Variants in TSPAN14 observed in about 807,000 individuals in gnomAD.
The protein encoded by TSPAN14 is tetraspanin 14.
Under a neutral mutation model 36.6 loss-of-function variants are expected in TSPAN14, and 16 were observed. The ratio of observed to expected loss-of-function variants is 0.44; its 90% confidence interval spans 0.30 to 0.66. The LOEUF is 0.66. TSPAN14 is among the 30% of genes least tolerant of loss of function. The pLI, the probability that TSPAN14 is intolerant of heterozygous loss-of-function variation, is 0.12. For missense variants in TSPAN14, 231 were observed against 355.1 expected, an observed-to-expected ratio of 0.65 and a Z score of 2.81; for synonymous variants, 139 against 143.8, an observed-to-expected ratio of 0.97 and a Z score of 0.24.
intron 3 of TSPAN14, among the ~76,000 whole-genome samples, chr10:80,505,748 C>T (rs921669276): frequency 1.3e-5 from 2 of 152,210 alleles, no homozygotes; most frequent in Non-Finnish European, 2.9e-5. Flanking sequence ...ACAGCACCAC[C>T]GTGTGGCTTC....
At chr10:80,496,331 T>C (rs1342204921) in intron 2 of TSPAN14, among the ~76,000 whole-genome samples, 1 of 152,214 alleles carries the variant, frequency 6.6e-6, no homozygotes, top group East Asian at 1.9e-4. Flanking sequence ...CCACACATTT[T>C]GATATGTTTT....
intron 1 of TSPAN14, among the ~76,000 whole-genome samples, chr10:80,476,949 T>C (rs960267505): frequency 2.0e-5 from 3 of 152,186 alleles, no homozygotes; most frequent in Non-Finnish European, 4.4e-5. Context: ...CTGGAGGCTC[T>C]GGGAAGAATC....
chr10:80,492,643 C>T (rs968279262), intron 2 of TSPAN14, among the ~76,000 whole-genome samples: 2 of 152,030 alleles, frequency 1.3e-5, no homozygotes, highest in Admixed American at 6.6e-5. Context: ...GGTGAAACTC[C>T]GTCTCTACTA....
intron 3 of TSPAN14, among the ~76,000 whole-genome samples, chr10:80,505,157 A>G (rs1197496272): frequency 6.6e-6 from 1 of 152,228 alleles, no homozygotes; most frequent in Admixed American, 6.5e-5. Context: ...AGGATGAGAA[A>G]GAGCAGGCAG....
chr10:80,513,347 C>T (rs1466326965), intron 6 of TSPAN14, among the ~76,000 whole-genome samples: 2 of 152,052 alleles, frequency 1.3e-5, no homozygotes, highest in South Asian at 2.1e-4. Context: ...GCTCTCGGTG[C>T]AGTTATGCAA....
intron 6 of TSPAN14, 75 bp downstream of exon 6, chr10:80,512,344 C>A: frequency 6.4e-7 from 1 of 1,568,638 alleles, no homozygotes; most frequent in Admixed American, 1.8e-5. Flanking sequence ...TCCTCCAGTG[C>A]TCTAGGATAC....
At position 80,498,862 on chromosome 10, in the gene TSPAN14, A is replaced by G. The variant is rs78168509; in HGVS notation, c.82-5866A>G. ...GGCTCAGAGAAGGTCTTGGACTCGCATGAGGCCCTGTCACTAGGTAGCTAC... is the reference window on the plus strand; with the variant it reads ...GGCTCAGAGAAGGTCTTGGACTCGCGTGAGGCCCTGTCACTAGGTAGCTAC... On this transcript the variant is annotated intron_variant, in intron 2 of 8. Coordinates refer to ENST00000429989, the Ensembl canonical transcript of TSPAN14. Among the ~76,000 whole-genome samples the G allele has an allele frequency of 2.4e-3, 373 of 152,326 alleles. 5 individuals carry two copies. The Middle Eastern group carries it at 0.065, about 26-fold the overall frequency.
At chr10:80,498,978 C>G (rs1441532687) in intron 2 of TSPAN14, among the ~76,000 whole-genome samples, 2 of 152,176 alleles carry the variant, frequency 1.3e-5, no homozygotes, top group Admixed American at 6.5e-5. Flanking sequence ...GTGCAAGACC[C>G]GGAGGCCAGC....
At chr10:80,467,946 C>T (rs190445762) in intron 1 of TSPAN14, among the ~76,000 whole-genome samples, 267 of 152,274 alleles carry the variant, frequency 1.8e-3, no homozygotes, top group African/African-American at 6.2e-3. Context: ...TTTAATTTTA[C>T]CTCTTGCCAA....
chr10:80,480,348 G>A (rs1847189943), intron 1 of TSPAN14, among the ~76,000 whole-genome samples: 1 of 152,204 alleles, frequency 6.6e-6, no homozygotes, highest in East Asian at 1.9e-4. Context: ...GGAGTGGTGA[G>A]AGAGGGCATC....
intron 4 of TSPAN14, among the ~76,000 whole-genome samples, chr10:80,507,599 G>A (rs1379964037): frequency 6.6e-6 from 1 of 152,178 alleles, no homozygotes. Context: ...TGGGTGGGAG[G>A]AGCCAGCTGC....
chr10:80,466,596 CAAAGT>C (rs1189023519), intron 1 of TSPAN14: 2 of 152,176 alleles, frequency 1.3e-5, no homozygotes, highest in Non-Finnish European at 2.9e-5. Flanking sequence ...CTACAAGACT[CAAAGT>C]AAAAAGAGCT....
intron 1 of TSPAN14, among the ~76,000 whole-genome samples, chr10:80,484,417 C>G (rs1054308768): frequency 6.6e-5 from 10 of 152,124 alleles, no homozygotes; most frequent in African/African-American, 1.9e-4. Flanking sequence ...CTGGACCTCC[C>G]AGGCTCAAGC....
At chr10:80,495,385 A>C in intron 2 of TSPAN14, among the ~76,000 whole-genome samples, 1 of 133,054 alleles carries the variant, frequency 7.5e-6, no homozygotes, top group African/African-American at 2.8e-5. Flanking sequence ...GTGTATGTAC[A>C]TGTGTGTATT....
intron 1 of TSPAN14, among the ~76,000 whole-genome samples, chr10:80,469,864 A>G (rs1005935568): frequency 6.6e-6 from 1 of 151,910 alleles, no homozygotes; most frequent in Non-Finnish European, 1.5e-5. Flanking sequence ...GAAGTTTTCC[A>G]GATTGCCGTC....
chr10:80,498,790 C>T (rs1377724921), intron 2 of TSPAN14, among the ~76,000 whole-genome samples: 1 of 152,234 alleles, frequency 6.6e-6, no homozygotes, highest in East Asian at 1.9e-4. Context: ...ATCTTTACAA[C>T]CTTCCTGTGA....
exon 9 of TSPAN14, chr10:80,522,269 G>A (rs181562455): frequency 6.6e-6 from 1 of 152,344 alleles, no homozygotes; most frequent in Admixed American, 6.5e-5. Flanking sequence ...CCAGAACTTT[G>A]GGAGGCTAAG....
intron 1 of TSPAN14, among the ~76,000 whole-genome samples, chr10:80,475,549 C>G (rs1015514458): frequency 6.6e-6 from 1 of 152,138 alleles, no homozygotes. Context: ...AAGGTCCACT[C>G]TGTTCTGAGT....
At chr10:80,459,816 G>A (rs1845890737) in intron 1 of TSPAN14, among the ~76,000 whole-genome samples, 1 of 152,286 alleles carries the variant, frequency 6.6e-6, no homozygotes, top group South Asian at 2.1e-4. Context: ...GTGATCCTGG[G>A]GATGCTATGG....
Sources: gnomAD v4.1 joint callset for allele counts (sites outside exome capture counted in the v4.1 genomes callset) on GRCh38, gnomAD v4.1.1 for gene constraint, MANE v1.5 for transcripts, NCBI Gene and HGNC (gene_info 2026-07-23, HGNC 2026-07-21) for gene names.